The following FRYL variants were observed in gnomAD, a reference collection of about 807,000 sequenced individuals.
The protein encoded by FRYL is FRY like transcription coactivator, also known as protein furry homolog-like.
In FRYL, 150 loss-of-function variants were observed where a neutral mutation model predicts 351.2. The ratio of observed to expected loss-of-function variants is 0.43; its 90% CI spans 0.37 to 0.49. FRYL has a LOEUF of 0.49. Ranked by LOEUF, FRYL falls within the 20% of genes least tolerant of loss-of-function variation. FRYL has a pLI of 0.00. For missense variants in FRYL, 3,036 were observed against 3,619.3 expected (o/e 0.84, Z 4.13); for synonymous variants, 1,153 against 1,257.1 (o/e 0.92, Z 1.75).
intron 3 of FRYL, among the ~76,000 whole-genome samples, chr4:48,669,179 T>C (rs1014464907): frequency 1.3e-5 from 2 of 152,202 alleles, no homozygotes; most frequent in African/African-American, 2.4e-5. Flanking sequence ...TCAATTATTT[T>C]ACCTTAGATT....
Position 48,510,337 on chromosome 4 carries a change from G to A in FRYL, c.8296-180C>T, listed in dbSNP as rs1202801777. Among the ~76,000 whole-genome samples the A allele has an allele frequency of 2.0e-5, 3 of 152,108 alleles. No individual in the cohort carries two copies. The South Asian group carries it at 6.2e-4, about 32-fold the overall frequency. On this transcript the variant is annotated intron_variant, in intron 58 of 63. Transcript: ENST00000358350. ...ACTGGAACAGAGTAGGAGTGCAGTG[G>A]GACTTGAGGAGGGTCAGGAAGGACA...
At chr4:48,700,141 T>C (rs1238420233) in intron 2 of FRYL, among the ~76,000 whole-genome samples, 2 of 152,220 alleles carry the variant, frequency 1.3e-5, no homozygotes, top group East Asian at 3.9e-4. Flanking sequence ...GCTAGCTCTA[T>C]ACTGTCTCAG....
chr4:48,729,170 A>T (rs189797919), intron 1 of FRYL, among the ~76,000 whole-genome samples: 32 of 152,370 alleles, frequency 2.1e-4, no homozygotes, highest in Admixed American at 1.9e-3. Context: ...GCTGAGGTGC[A>T]TCTGCCACTG....
At chr4:48,547,538 A>T in intron 41 of FRYL, 46 bp downstream of exon 41, 2 of 1,117,694 alleles carry the variant, frequency 1.8e-6, no homozygotes, top group Non-Finnish European at 1.2e-6. Flanking sequence ...ATTCCAAATT[A>T]ATAAAGTATA....
chr4:48,539,385 T>G (rs997043434), intron 47 of FRYL, among the ~76,000 whole-genome samples: 1 of 152,138 alleles, frequency 6.6e-6, no homozygotes, highest in Non-Finnish European at 1.5e-5. Context: ...AACCCTGAAC[T>G]CCACTCTTTG....
At chr4:48,757,320 T>C (rs1185837678) in intron 1 of FRYL, among the ~76,000 whole-genome samples, 3 of 152,198 alleles carry the variant, frequency 2.0e-5, no homozygotes, top group African/African-American at 2.4e-5. Flanking sequence ...GCAGATGACA[T>C]GACTGTATAT....
intron 1 of FRYL, among the ~76,000 whole-genome samples, chr4:48,746,613 C>G (rs1169392161): frequency 1.3e-5 from 2 of 152,056 alleles, no homozygotes; most frequent in Non-Finnish European, 2.9e-5. Context: ...GACACTCTTT[C>G]TACCAAAAGT....
intron 2 of FRYL, among the ~76,000 whole-genome samples, chr4:48,686,911 T>C (rs536193715): frequency 1.4e-4 from 22 of 152,346 alleles, no homozygotes; most frequent in African/African-American, 4.8e-4. Flanking sequence ...TTTTCGACTT[T>C]TCGCTTTTGA....
At chr4:48,532,971 T>C (rs1393511891) in intron 49 of FRYL, among the ~76,000 whole-genome samples, 2 of 152,176 alleles carry the variant, frequency 1.3e-5, no homozygotes, top group Non-Finnish European at 2.9e-5. Flanking sequence ...CATTTTAAAA[T>C]CAGGAGATTT....
intron 50 of FRYL, among the ~76,000 whole-genome samples, chr4:48,528,575 C>G (rs1726807212): frequency 6.6e-6 from 1 of 151,988 alleles, no homozygotes; most frequent in South Asian, 2.1e-4. Flanking sequence ...AAGCCTATTC[C>G]TACTTTAAAT....
chr4:48,632,110 A>ATGTATG (rs1553957678), intron 4 of FRYL, among the ~76,000 whole-genome samples: 15 of 94,754 alleles, frequency 1.6e-4, no homozygotes, highest in African/African-American at 5.3e-4. Context: ...ATATATATAT[A>ATGTATG]TATATATATA....
chr4:48,715,850 C>T (rs1393928726), intron 1 of FRYL, among the ~76,000 whole-genome samples: 4 of 152,202 alleles, frequency 2.6e-5, no homozygotes, highest in Admixed American at 2.0e-4. Context: ...AAGCTGGAGG[C>T]ATCATACTTC....
At chr4:48,697,277 T>A (rs1766290189) in intron 2 of FRYL, among the ~76,000 whole-genome samples, 1 of 152,120 alleles carries the variant, frequency 6.6e-6, no homozygotes, top group African/African-American at 2.4e-5. Context: ...TTCCATTCTT[T>A]TGAGGTTTTG....
At chr4:48,634,717 A>T (rs1187880288) in intron 3 of FRYL, among the ~76,000 whole-genome samples, 1 of 152,200 alleles carries the variant, frequency 6.6e-6, no homozygotes, top group Non-Finnish European at 1.5e-5. Context: ...TAATGTGAAT[A>T]TAAGAACAGG....
At chr4:48,600,032 G>A (rs1214556043) in intron 13 of FRYL, among the ~76,000 whole-genome samples, 1 of 151,996 alleles carries the variant, frequency 6.6e-6, no homozygotes, top group Middle Eastern at 3.4e-3. Context: ...GCTTGAGTCC[G>A]GGAGGTGAAG....
chr4:48,724,802 T>C (rs147467578), intron 1 of FRYL, among the ~76,000 whole-genome samples: 7 of 152,326 alleles, frequency 4.6e-5, no homozygotes, highest in Middle Eastern at 3.4e-3. Flanking sequence ...TAGAGTAGGG[T>C]AGAATAATAG....
chr4:48,724,331 G>T (rs1408096989), intron 1 of FRYL, among the ~76,000 whole-genome samples: 1 of 151,712 alleles, frequency 6.6e-6, no homozygotes, highest in Non-Finnish European at 1.5e-5. Context: ...CTATTTCCAT[G>T]TTGGGCCTGT....
intron 21 of FRYL, 122 bp downstream of exon 21, chr4:48,581,298 A>G (rs1455909545): frequency 3.6e-5 from 28 of 777,500 alleles, no homozygotes; most frequent in Admixed American, 1.3e-4. Context: ...CGGCCTCCCA[A>G]TTGAGAACGG....
At chr4:48,548,529 A>G (rs941371599) in intron 40 of FRYL, among the ~76,000 whole-genome samples, 161 bp downstream of exon 40, 1 of 152,206 alleles carries the variant, frequency 6.6e-6, no homozygotes, top group African/African-American at 2.4e-5. Context: ...GGGGCCAGAC[A>G]TAACTCCCCA....
Sources: allele counts gnomAD v4.1 joint callset (sites outside exome capture counted in the v4.1 genomes callset), GRCh38; gene constraint gnomAD v4.1.1; transcripts MANE v1.5; gene names NCBI Gene and HGNC (gene_info 2026-07-23, HGNC 2026-07-21).